Variants in CLSTN2 observed in about 807,000 individuals in gnomAD.
The protein encoded by CLSTN2 is calsyntenin-2.
CLSTN2 carries 48 observed loss-of-function variants against 101.2 expected under a neutral mutation model. The ratio of observed to expected loss-of-function variants is 0.47; its 90% confidence interval spans 0.38 to 0.60. The LOEUF is 0.60. Among genes scored for constraint, CLSTN2 ranks in the 20% least tolerant of loss-of-function variants. The pLI is 0.00. For synonymous variants in CLSTN2, 481 were observed against 463.6 expected (o/e 1.04, Z -0.48); for missense variants, 1,160 against 1,238.2 (o/e 0.94, Z 0.95).
At chr3:140,337,946 C>A (rs2087458738) in intron 2 of CLSTN2, among the ~76,000 whole-genome samples, 1 of 152,184 alleles carries the variant, frequency 6.6e-6, no homozygotes, top group Admixed American at 6.5e-5. Context: ...ACTAAGAGAG[C>A]AACTCTCTTG....
rs141688790 is a variant in CLSTN2 at position 140,299,137 on chromosome 3, C to T, written c.233-104492C>T. On this transcript the variant is annotated intron_variant, in intron 2 of 16. Transcript: ENST00000458420. ...CAAGTGCTCCCTCCTGCAGGAAGCCCTTCCAAACTACTCCAGGACACAACT... is the reference window on the plus strand; with the variant it reads ...CAAGTGCTCCCTCCTGCAGGAAGCCTTTCCAAACTACTCCAGGACACAACT... Among the ~76,000 whole-genome samples, 618 of 152,288 alleles carry T rather than the reference C, an allele frequency of 4.1e-3. 9 individuals are homozygous for T. Among genetic ancestry groups the T allele is most frequent in the African/African-American group, 0.014 (584 of 41,552 alleles).
chr3:140,044,547 C>A (rs1004548620), intron 1 of CLSTN2, among the ~76,000 whole-genome samples: 17 of 152,256 alleles, frequency 1.1e-4, no homozygotes, highest in African/African-American at 4.1e-4. Context: ...ATTGCCCTGG[C>A]CAGAACTTCC....
chr3:139,998,152 A>C (rs2107746194), intron 1 of CLSTN2, among the ~76,000 whole-genome samples: 1 of 152,226 alleles, frequency 6.6e-6, no homozygotes, highest in East Asian at 1.9e-4. Flanking sequence ...GTGTTGGTCC[A>C]GGACAATGGG....
intron 8 of CLSTN2, among the ~76,000 whole-genome samples, chr3:140,529,596 G>T (rs1935213489): frequency 1.3e-5 from 2 of 152,210 alleles, no homozygotes. Flanking sequence ...GAGGGTCAAT[G>T]TAGGTCTCTT....
chr3:140,346,505 G>T (rs886495495), intron 2 of CLSTN2, among the ~76,000 whole-genome samples: 1 of 151,694 alleles, frequency 6.6e-6, no homozygotes, highest in Non-Finnish European at 1.5e-5. Flanking sequence ...TCCAGGCAGT[G>T]TTCCCAGCAG....
At chr3:140,082,007 G>A (rs1428119311) in intron 1 of CLSTN2, among the ~76,000 whole-genome samples, 1 of 152,098 alleles carries the variant, frequency 6.6e-6, no homozygotes, top group African/African-American at 2.4e-5. Context: ...TGTCAAGCAG[G>A]GCATTTCTCT....
intron 8 of CLSTN2, among the ~76,000 whole-genome samples, chr3:140,515,421 TTTG>T (rs916836458): frequency 2.1e-4 from 32 of 152,216 alleles, no homozygotes; most frequent in African/African-American, 7.7e-4. Context: ...CTGGGCTTGG[TTTG>T]TTCTTGTTTC....
intron 2 of CLSTN2, among the ~76,000 whole-genome samples, chr3:140,352,877 A>G (rs189629845): frequency 6.6e-6 from 1 of 152,312 alleles, no homozygotes; most frequent in Admixed American, 6.5e-5. Flanking sequence ...TCAAGTTGCT[A>G]GTAATACAGT....
intron 1 of CLSTN2, among the ~76,000 whole-genome samples, chr3:140,046,657 G>A (rs1307312436): frequency 6.6e-6 from 1 of 152,142 alleles, no homozygotes; most frequent in African/African-American, 2.4e-5. Context: ...GGTACCGGTT[G>A]TTCCTTTCCA....
chr3:140,364,095 C>A (rs965270501), intron 2 of CLSTN2, among the ~76,000 whole-genome samples: 1 of 152,184 alleles, frequency 6.6e-6, no homozygotes, highest in Non-Finnish European at 1.5e-5. Flanking sequence ...CGATTCTAGA[C>A]CTCAAGGAGC....
chr3:140,160,069 A>G (rs945635537), intron 1 of CLSTN2, among the ~76,000 whole-genome samples: 2 of 152,092 alleles, frequency 1.3e-5, no homozygotes, highest in Non-Finnish European at 2.9e-5. Flanking sequence ...TACTGTGTTC[A>G]CTAACTCGGT....
At chr3:140,387,647 T>C (rs1447174684) in intron 2 of CLSTN2, among the ~76,000 whole-genome samples, 1 of 152,232 alleles carries the variant, frequency 6.6e-6, no homozygotes, top group Non-Finnish European at 1.5e-5. Flanking sequence ...GGTATGGGGT[T>C]ACAGAAAAAC....
At chr3:140,524,852 T>C (rs1293632105) in intron 8 of CLSTN2, among the ~76,000 whole-genome samples, 2 of 152,142 alleles carry the variant, frequency 1.3e-5, no homozygotes, top group African/African-American at 4.8e-5. Flanking sequence ...AACCCTTGGG[T>C]GAACAACAAA....
At chr3:140,480,122 T>A (rs1056844445) in intron 8 of CLSTN2, among the ~76,000 whole-genome samples, 2 of 139,892 alleles carry the variant, frequency 1.4e-5, no homozygotes, top group African/African-American at 5.5e-5. Context: ...CAGGCCCCAG[T>A]GTGTGATGTT....
intron 5 of CLSTN2, among the ~76,000 whole-genome samples, chr3:140,430,717 A>G (rs536360913): frequency 1.3e-5 from 2 of 152,316 alleles, no homozygotes; most frequent in South Asian, 4.1e-4. Flanking sequence ...GGGAGATCAA[A>G]TGGACATATT....
At chr3:140,265,115 C>T (rs967326191) in intron 2 of CLSTN2, among the ~76,000 whole-genome samples, 3 of 152,196 alleles carry the variant, frequency 2.0e-5, no homozygotes, top group Non-Finnish European at 2.9e-5. Flanking sequence ...GAGGAAGTCA[C>T]TGAGGTCAGA....
intron 1 of CLSTN2, among the ~76,000 whole-genome samples, chr3:140,035,597 G>T (rs1378004662): frequency 7.6e-6 from 1 of 131,546 alleles, no homozygotes; most frequent in Non-Finnish European, 1.7e-5. Context: ...TTCCATGTAG[G>T]ATAATAATAG....
chr3:140,448,162 C>A (rs1277962210), intron 5 of CLSTN2, among the ~76,000 whole-genome samples: 1 of 151,906 alleles, frequency 6.6e-6, no homozygotes, highest in Non-Finnish European at 1.5e-5. Flanking sequence ...GGGTGTGGCT[C>A]ATAACACATG....
At chr3:140,015,882 T>C (rs564600927) in intron 1 of CLSTN2, among the ~76,000 whole-genome samples, 24 of 152,380 alleles carry the variant, frequency 1.6e-4, no homozygotes, top group East Asian at 1.3e-3. Flanking sequence ...TATGCCATTG[T>C]AATTGACTTT....
Sources: allele counts gnomAD v4.1 joint callset (sites outside exome capture counted in the v4.1 genomes callset), GRCh38; gene constraint gnomAD v4.1.1; transcripts MANE v1.5; gene names NCBI Gene and HGNC (gene_info 2026-07-23, HGNC 2026-07-21).